The following NR3C2 variants were observed in gnomAD, a reference collection of about 807,000 sequenced individuals.
NR3C2 encodes the protein nuclear receptor subfamily 3 group C member 2.
Under a neutral mutation model 86.4 loss-of-function variants are expected in NR3C2, and 15 were observed. The observed-to-expected ratio is 0.17, with a 90% CI of 0.12 to 0.27. The LOEUF (loss-of-function observed/expected upper bound fraction) is 0.27, where lower values mean the gene tolerates loss of function less well. Among genes scored for constraint, NR3C2 ranks in the 10% least tolerant of loss-of-function variants. NR3C2 has a pLI of 1.00. For synonymous variants in NR3C2, 458 were observed against 450.5 expected (o/e 1.02, Z -0.21); for missense variants, 960 against 1,195.6 (o/e 0.80, Z 2.91).
At chr4:148,404,882 A>C (rs1409033235) in intron 2 of NR3C2, among the ~76,000 whole-genome samples, 2 of 152,308 alleles carry the variant, frequency 1.3e-5, no homozygotes, top group South Asian at 4.1e-4. Context: ...ACTTAAAATA[A>C]CCAGAAATAA....
intron 1 of NR3C2, among the ~76,000 whole-genome samples, chr4:148,438,774 A>G (rs1750195126): frequency 6.7e-6 from 1 of 150,144 alleles, no homozygotes; most frequent in Admixed American, 6.7e-5. Flanking sequence ...AAATTGTCCA[A>G]GTATTATAAT....
chr4:148,229,372 C>T (rs906741919), intron 3 of NR3C2, among the ~76,000 whole-genome samples: 14 of 152,152 alleles, frequency 9.2e-5, no homozygotes, highest in Admixed American at 2.0e-4. Flanking sequence ...TAAATCTGCC[C>T]TCCTCACCCT....
chr4:148,155,004 G>A (rs1578948885), intron 4 of NR3C2, 103 bp from the exon 5 acceptor site: 1 of 915,284 alleles, frequency 1.1e-6, no homozygotes, highest in Non-Finnish European at 1.7e-6. Flanking sequence ...ATCTTGTTAT[G>A]TCAATAGGAA....
At chr4:148,163,412 A>G (rs1734748314) in intron 4 of NR3C2, among the ~76,000 whole-genome samples, 1 of 152,232 alleles carries the variant, frequency 6.6e-6, no homozygotes, top group South Asian at 2.1e-4. Flanking sequence ...CTTTTCTGAA[A>G]AACAGGAATA....
intron 3 of NR3C2, among the ~76,000 whole-genome samples, chr4:148,250,902 C>G (rs925857203): frequency 6.6e-6 from 1 of 152,142 alleles, no homozygotes; most frequent in Non-Finnish European, 1.5e-5. Flanking sequence ...TGGGTCTGCT[C>G]AAGCAGGTGT....
At chr4:148,235,019 C>T (rs1364220451) in intron 3 of NR3C2, among the ~76,000 whole-genome samples, 3 of 151,996 alleles carry the variant, frequency 2.0e-5, no homozygotes, top group Admixed American at 6.6e-5. Context: ...TGAAAATATT[C>T]AAAAGAGCTT....
intron 4 of NR3C2, among the ~76,000 whole-genome samples, chr4:148,167,720 T>TAC (rs891034454): frequency 6.6e-6 from 1 of 152,226 alleles, no homozygotes; most frequent in Non-Finnish European, 1.5e-5. Context: ...TGACCCTCTA[T>TAC]ACCAGGTTAC....
chr4:148,257,202 G>T (rs1391918002), intron 3 of NR3C2, among the ~76,000 whole-genome samples: 3 of 152,066 alleles, frequency 2.0e-5, no homozygotes, highest in Non-Finnish European at 4.4e-5. Context: ...GGATGTCAAG[G>T]GACATTGGAA....
At chr4:148,157,398 A>C (rs1395863734) in intron 4 of NR3C2, among the ~76,000 whole-genome samples, 2 of 152,166 alleles carry the variant, frequency 1.3e-5, no homozygotes, top group Non-Finnish European at 2.9e-5. Context: ...TAATTTAATA[A>C]TTTTATGAGT....
intron 2 of NR3C2, among the ~76,000 whole-genome samples, chr4:148,269,679 A>G (rs902237619): frequency 2.0e-5 from 3 of 152,176 alleles, no homozygotes; most frequent in African/African-American, 7.2e-5. Flanking sequence ...AAAACAAAAA[A>G]AACACCTGTG....
At chr4:148,097,741 G>GT (rs1180902227) in intron 8 of NR3C2, among the ~76,000 whole-genome samples, 1,906 of 107,268 alleles carry the variant, frequency 0.018, 109 homozygotes, top group African/African-American at 0.046. Context: ...ACTTTTTTGC[G>GT]TTTTTTTTTG....
At chr4:148,157,771 G>A (rs1734470359) in intron 4 of NR3C2, among the ~76,000 whole-genome samples, 1 of 152,252 alleles carries the variant, frequency 6.6e-6, no homozygotes, top group South Asian at 2.1e-4. Context: ...GAACTTACAG[G>A]ACACAAATTT....
At chr4:148,312,289 A>G (rs1218116016) in intron 2 of NR3C2, among the ~76,000 whole-genome samples, 1 of 95,444 alleles carries the variant, frequency 1.0e-5, no homozygotes, top group African/African-American at 4.0e-5. Flanking sequence ...ATTTAAATTT[A>G]TGTTTTTTAG....
chr4:148,367,599 T>C (rs1746212739), intron 2 of NR3C2, among the ~76,000 whole-genome samples: 1 of 152,138 alleles, frequency 6.6e-6, no homozygotes, highest in Non-Finnish European at 1.5e-5. Context: ...GACCATCAGA[T>C]TGAGTTCTTC....
intron 7 of NR3C2, 123 bp downstream of exon 7, chr4:148,120,035 G>C: frequency 7.8e-7 from 1 of 1,283,878 alleles, no homozygotes. Context: ...CATTTCTTCA[G>C]TGTTTCTGTT....
intron 2 of NR3C2, among the ~76,000 whole-genome samples, chr4:148,397,078 C>A (rs1420968274): frequency 1.3e-5 from 2 of 152,186 alleles, no homozygotes; most frequent in Non-Finnish European, 2.9e-5. Context: ...GCTACTTAGG[C>A]ATTATACACC....
chr4:148,445,203 G>A (rs910442891), upstream of NR3C2, among the ~76,000 whole-genome samples: 4 of 152,036 alleles, frequency 2.6e-5, no homozygotes, highest in Non-Finnish European at 4.4e-5. Context: ...CCCTGACCTC[G>A]CGCCCGGCTT....
At chr4:148,257,929 T>C (rs1739908940) in intron 3 of NR3C2, among the ~76,000 whole-genome samples, 2 of 152,200 alleles carry the variant, frequency 1.3e-5, no homozygotes, top group South Asian at 4.1e-4. Flanking sequence ...TCGATCAGCT[T>C]TCCAATGAAG....
chr4:148,342,450 T>G (rs1180392974), intron 2 of NR3C2, among the ~76,000 whole-genome samples: 1 of 152,192 alleles, frequency 6.6e-6, no homozygotes, highest in East Asian at 1.9e-4. Flanking sequence ...CAAGAGCTGT[T>G]GTTTTTGTAG....
Sources: allele counts gnomAD v4.1 joint callset (sites outside exome capture counted in the v4.1 genomes callset), GRCh38; gene constraint gnomAD v4.1.1; transcripts MANE v1.5; gene names NCBI Gene and HGNC (gene_info 2026-07-23, HGNC 2026-07-21).